The following MYCBP variants were observed in gnomAD, a reference collection of about 807,000 sequenced individuals.
MYCBP encodes MYC binding protein, also known as C-Myc-binding protein.
A neutral mutation model predicts 16.8 loss-of-function variants in MYCBP; 5 were observed. The ratio of observed to expected loss-of-function variants is 0.30; its 90% CI spans 0.16 to 0.63. The LOEUF is 0.63. Ranked by LOEUF, MYCBP falls within the 20% of genes least tolerant of loss-of-function variation. MYCBP has a pLI of 0.83. For synonymous variants in MYCBP, 35 were observed against 43.7 expected (o/e 0.80, Z 0.79); for missense variants, 103 against 121.8 (o/e 0.85, Z 0.73).
chr1:38,871,253 T>C (rs573590705), intron 2 of MYCBP, among the ~76,000 whole-genome samples: 2 of 152,232 alleles, frequency 1.3e-5, no homozygotes, highest in South Asian at 4.1e-4. Flanking sequence ...CGCCTACAAC[T>C]GTCATTTTTC....
intron 2 of MYCBP, among the ~76,000 whole-genome samples, chr1:38,870,409 A>G (rs1022273559): frequency 1.3e-5 from 2 of 152,122 alleles, no homozygotes; most frequent in Admixed American, 1.3e-4. Context: ...TGTAACGTCA[A>G]CACTTGGGGA....
chr1:38,872,217 C>A (rs1472841910), intron 2 of MYCBP, among the ~76,000 whole-genome samples: 1 of 152,142 alleles, frequency 6.6e-6, no homozygotes, highest in East Asian at 1.9e-4. Flanking sequence ...CTCATCCCTG[C>A]GAACAATTCC....
intron 2 of MYCBP, among the ~76,000 whole-genome samples, chr1:38,868,263 G>A (rs1570884657): frequency 6.6e-6 from 1 of 152,222 alleles, no homozygotes; most frequent in Non-Finnish European, 1.5e-5. Context: ...TGAGAGAACA[G>A]TGAGAAGAAA....
chr1:38,863,654 TAC>T lies in MYCBP; in HGVS notation c.*1014_*1015del, dbSNP rs1444217631. The T allele has an allele frequency of 6.5e-6, 1 of 152,696 alleles. No homozygotes were observed. Among genetic ancestry groups the T allele is most frequent in the Non-Finnish European group, 1.5e-5 (1 of 68,052 alleles). The allele number at this position is 152,696 out of a possible 1,614,324, so 9.5% of individuals were successfully genotyped here. ...AGTTCACTGATAATGCCCAAGGCTCTACAGTTAGTGAGTGATTTGTATTAATA... is the reference window on the plus strand; with the variant it reads ...AGTTCACTGATAATGCCCAAGGCTCTAGTTAGTGAGTGATTTGTATTAATA... On this transcript the variant is annotated 3_prime_UTR_variant, in exon 5 of 5. Transcript: ENST00000397572.
rs191481765 is a variant in MYCBP at position 38,862,656 on chromosome 1, T to C, written c.*2014A>G. 3.9e-5 allele frequency among the ~76,000 whole-genome samples: 6 copies of C among 152,336 alleles called. No individual in the cohort carries two copies. The highest frequency in any genetic ancestry group is 1.4e-4 in the African/African-American group (6 of 41,582). ...TCCATGGAGCATCTTGTTGTATTCA[T>C]CCAAATCCTTGACAGAAATGTTGAA... On this transcript the variant is annotated 3_prime_UTR_variant, in exon 5 of 5. Transcript: ENST00000397572.
Position 38,863,583 on chromosome 1 carries a change from C to T in MYCBP, c.*1087G>A, listed in dbSNP as rs1179687796. 6.6e-6 allele frequency: 1 copy of T among 152,608 alleles called. No homozygotes were observed. The highest frequency in any genetic ancestry group is 2.4e-5 in the African/African-American group (1 of 41,426). The allele number at this position is 152,608 out of a possible 1,614,324, so 9.5% of individuals were successfully genotyped here. ...CAACAACCCTGTGAGGTAGGCATCA[C>T]GGACATTCTACTCATTAAACAGATG... On this transcript the variant is annotated 3_prime_UTR_variant, in exon 5 of 5. Coordinates refer to ENST00000397572, the MANE Select transcript of MYCBP (RefSeq NM_012333.5).
Position 38,863,680 on chromosome 1 carries a change from T to C in MYCBP, c.*990A>G, listed in dbSNP as rs1194742198. The C allele has an allele frequency of 6.5e-6, 1 of 152,682 alleles. No homozygotes were observed. Among genetic ancestry groups the C allele is most frequent in the Non-Finnish European group, 1.5e-5 (1 of 68,038 alleles). The allele number at this position is 152,682 out of a possible 1,614,324, so 9.5% of individuals were successfully genotyped here. The stretch of plus-strand genomic sequence containing the variant: ...ACAGTTAGTGAGTGATTTGTATTAA[T>C]ATCAGTCTTTGGCCTAAAAATTCAG... On this transcript the variant is annotated 3_prime_UTR_variant, in exon 5 of 5. Coordinates refer to ENST00000397572, the MANE Select transcript of MYCBP (RefSeq NM_012333.5).
intron 2 of MYCBP, among the ~76,000 whole-genome samples, chr1:38,871,441 T>TTC (rs1181133161): frequency 1.3e-5 from 2 of 150,080 alleles, no homozygotes; most frequent in Admixed American, 6.6e-5. Flanking sequence ...TTTTTTTTTT[T>TTC]TTTTTTGGAG....
chr1:38,869,763 G>A (rs549235453), intron 2 of MYCBP, among the ~76,000 whole-genome samples: 17 of 152,038 alleles, frequency 1.1e-4, no homozygotes, highest in African/African-American at 3.9e-4. Flanking sequence ...TAAAAATTTA[G>A]GCCAAAGTGG....
rs116910133 is a variant in MYCBP at position 38,866,864 on chromosome 1, C to A, written c.267+16G>T. The A allele has an allele frequency of 1.6e-5, 24 of 1,478,688 alleles. 1 individual carries two copies. Among genetic ancestry groups the A allele is most frequent in the South Asian group, 5.0e-5 (4 of 79,686 alleles). The allele number at this position is 1,478,688 out of a possible 1,614,324, so 91.6% of individuals were successfully genotyped here. ...AGGTAAAATTATTTGAATATGAATT[C>A]TTTTTAAAAATTTACCTTTGCTTTC... is the stretch of plus-strand genomic sequence containing the variant. On this transcript the variant is annotated intron_variant, in intron 4 of 4. Coordinates refer to ENST00000397572, the MANE Select transcript of MYCBP (RefSeq NM_012333.5).
chr1:38,871,111 C>G lies in MYCBP; in HGVS notation c.88+1907G>C, dbSNP rs1570889566. Reference sequence around the variant, plus strand: ...AAAAAATTAGCTAAGCATGGTGGCACATGCCTGTAATCCCAGCTACTTGGA... The same window carrying G: ...AAAAAATTAGCTAAGCATGGTGGCAGATGCCTGTAATCCCAGCTACTTGGA... On this transcript the variant is annotated intron_variant, in intron 2 of 4. Coordinates refer to ENST00000397572, the MANE Select transcript of MYCBP (RefSeq NM_012333.5). Among the ~76,000 whole-genome samples, 3 of 152,206 alleles carry G rather than the reference C, an allele frequency of 2.0e-5. 1 individual carries two copies. In the South Asian group the frequency reaches 6.2e-4, roughly 32 times the overall value.
intron 3 of MYCBP, among the ~76,000 whole-genome samples, 162 bp downstream of exon 3, chr1:38,867,400 T>C (rs968972887): frequency 2.0e-5 from 3 of 149,874 alleles, no homozygotes; most frequent in Admixed American, 6.7e-5. Context: ...TAAGCCAAGA[T>C]TGCGCCACTG....
chr1:38,864,748 T>G, intron 4 of MYCBP, 34 bp from the exon 5 acceptor site: 1 of 1,601,290 alleles, frequency 6.2e-7, no homozygotes, highest in Non-Finnish European at 8.6e-7. Flanking sequence ...TTAGGTGAAT[T>G]TTATTCTAAA....
intron 4 of MYCBP, among the ~76,000 whole-genome samples, chr1:38,865,968 C>T (rs1208394853): frequency 6.6e-6 from 1 of 151,258 alleles, no homozygotes; most frequent in African/African-American, 2.4e-5. Context: ...TTAAGAACCT[C>T]AGAACTGACC....
In MYCBP at chr1:38,867,011, T is replaced by G; in HGVS notation, c.138-2A>C. On this transcript the variant is annotated splice_acceptor_variant, in intron 3 of 4. Coordinates refer to ENST00000397572, the MANE Select transcript of MYCBP (RefSeq NM_012333.5). LOFTEE classifies it high-confidence loss of function. ...GCTCCTAAGTGATGCTTTAAAAAACTATTATCAATGTTAAGAACTTACTTC... is the reference window on the plus strand; with the variant it reads ...GCTCCTAAGTGATGCTTTAAAAAACGATTATCAATGTTAAGAACTTACTTC... The G allele has an allele frequency of 6.2e-7, 1 of 1,608,698 alleles. No individual in the cohort carries two copies. The highest frequency in any genetic ancestry group is 8.5e-7 in the Non-Finnish European group (1 of 1,177,002).
chr1:38,873,343 G>T lies in MYCBP; in HGVS notation c.-38C>A. The T allele has an allele frequency of 6.3e-7, 1 of 1,597,204 alleles. No individual in the cohort carries two copies. On this transcript the variant is annotated 5_prime_UTR_variant, in exon 1 of 5. Coordinates refer to ENST00000397572, the MANE Select transcript of MYCBP (RefSeq NM_012333.5). ...AGCGGCGTAGCTGGCGCCGGAGACCGCGACTGGCGGGTTGGGAGCAGCACT... is the reference window on the plus strand; with the variant it reads ...AGCGGCGTAGCTGGCGCCGGAGACCTCGACTGGCGGGTTGGGAGCAGCACT...
At chr1:38,866,044 CTTTTT>C (rs71057153) in intron 4 of MYCBP, among the ~76,000 whole-genome samples, 7 of 65,716 alleles carry the variant, frequency 1.1e-4, no homozygotes, top group Admixed American at 4.2e-4. Context: ...CTAAGAACCT[CTTTTT>C]TTTTTTTTTT....
rs767119799 is a variant in MYCBP, at chr1:38,873,345, G to C, written c.-40C>G. 3 of 1,594,696 alleles carry C rather than the reference G, an allele frequency of 1.9e-6. No homozygotes were observed. Among genetic ancestry groups the C allele is most frequent in the East Asian group, 2.2e-5 (1 of 44,602 alleles). On this transcript the variant is annotated 5_prime_UTR_variant, in exon 1 of 5. Coordinates refer to ENST00000397572, the MANE Select transcript of MYCBP (RefSeq NM_012333.5). The stretch of plus-strand genomic sequence containing the variant: ...CGGCGTAGCTGGCGCCGGAGACCGC[G>C]ACTGGCGGGTTGGGAGCAGCACTGC...
At chr1:38,866,859 G>A in intron 4 of MYCBP, 21 bp downstream of exon 4, 1 of 1,458,352 alleles carries the variant, frequency 6.9e-7, no homozygotes, top group East Asian at 2.4e-5. Context: ...ATTTGAATAT[G>A]AATTCTTTTT....
Sources: gnomAD v4.1 joint callset for allele counts (sites outside exome capture counted in the v4.1 genomes callset) on GRCh38, gnomAD v4.1.1 for gene constraint, MANE v1.5 for transcripts, NCBI Gene and HGNC (gene_info 2026-07-23, HGNC 2026-07-21) for gene names.